Variants in AUTS2 observed in about 807,000 individuals in gnomAD.
AUTS2 encodes activator of transcription and developmental regulator AUTS2.
AUTS2 carries 17 observed loss-of-function variants against 112.4 expected under a neutral mutation model. The observed-to-expected ratio is 0.15, with a 90% CI of 0.10 to 0.23. The LOEUF (loss-of-function observed/expected upper bound fraction) is 0.23, where lower values mean the gene tolerates loss of function less well. AUTS2 is among the 10% of genes least tolerant of loss of function. The pLI is 1.00. For synonymous variants in AUTS2, 751 were observed against 702.7 expected, an observed-to-expected ratio of 1.07 and a Z score of -1.09; for missense variants, 1,510 against 1,701.6, an observed-to-expected ratio of 0.89 and a Z score of 1.98.
chr7:70,778,946 G>A (rs1170984781), intron 14 of AUTS2, among the ~76,000 whole-genome samples: 1 of 152,192 alleles, frequency 6.6e-6, no homozygotes, highest in African/African-American at 2.4e-5. Flanking sequence ...TCCCATAAAA[G>A]TGTCCCCAGT....
intron 5 of AUTS2, among the ~76,000 whole-genome samples, chr7:70,626,638 A>G (rs1174850383): frequency 2.0e-5 from 3 of 152,090 alleles, no homozygotes; most frequent in Admixed American, 6.6e-5. Flanking sequence ...GCAGTACCCA[A>G]TAGTTTTTCA....
intron 6 of AUTS2, among the ~76,000 whole-genome samples, chr7:70,734,328 T>C (rs1027024157): frequency 2.0e-5 from 3 of 151,910 alleles, no homozygotes; most frequent in Non-Finnish European, 4.4e-5. Flanking sequence ...TAGTCCCAGC[T>C]ACTCGGGGGG....
intron 4 of AUTS2, among the ~76,000 whole-genome samples, chr7:70,349,758 G>A (rs1408995005): frequency 2.0e-5 from 3 of 151,942 alleles, no homozygotes; most frequent in Non-Finnish European, 4.4e-5. Flanking sequence ...TTGCTTTAGG[G>A]GCTCTGAATT....
At chr7:69,993,878 T>A (rs1798840276) in intron 2 of AUTS2, among the ~76,000 whole-genome samples, 1 of 152,160 alleles carries the variant, frequency 6.6e-6, no homozygotes, top group Non-Finnish European at 1.5e-5. Flanking sequence ...GTAGTAGTAG[T>A]TATCCCCTGG....
intron 4 of AUTS2, among the ~76,000 whole-genome samples, chr7:70,348,758 C>G (rs1368548529): frequency 6.6e-6 from 1 of 152,156 alleles, no homozygotes; most frequent in East Asian, 1.9e-4. Context: ...TTGCAGTGAG[C>G]CGAGATCATG....
chr7:69,804,660 C>T (rs1790223402), intron 1 of AUTS2, among the ~76,000 whole-genome samples: 1 of 152,300 alleles, frequency 6.6e-6, no homozygotes, highest in East Asian at 1.9e-4. Flanking sequence ...TCATGAACCC[C>T]ACAGTTACAT....
intron 6 of AUTS2, among the ~76,000 whole-genome samples, chr7:70,740,143 G>C (rs770770425): frequency 2.0e-5 from 3 of 152,154 alleles, no homozygotes; most frequent in Non-Finnish European, 4.4e-5. Context: ...TATTGAGACA[G>C]CCAACACTTG....
chr7:70,215,453 T>G lies in AUTS2; in HGVS notation c.660+80882T>G, dbSNP rs149268061. Among the ~76,000 whole-genome samples, 442 of 152,294 alleles carry G rather than the reference T, an allele frequency of 2.9e-3. 2 individuals carry two copies. Among genetic ancestry groups the G allele is most frequent in the African/African-American group, 9.9e-3 (410 of 41,562 alleles). On this transcript the variant is annotated intron_variant, in intron 4 of 18. Coordinates refer to ENST00000342771, the MANE Select transcript of AUTS2 (RefSeq NM_015570.4). ...ATAGTAGATTTTATTCTAAGGTCAG[T>G]GAGAACTGAAGAATGTTAGGGGCTG...
intron 6 of AUTS2, among the ~76,000 whole-genome samples, chr7:70,722,227 A>G (rs1000251595): frequency 7.2e-5 from 11 of 152,014 alleles, no homozygotes; most frequent in African/African-American, 2.7e-4. Context: ...TACTTTGTGA[A>G]TTTCCTCATG....
intron 5 of AUTS2, among the ~76,000 whole-genome samples, chr7:70,648,871 C>T (rs1295292682): frequency 1.3e-5 from 2 of 152,160 alleles, no homozygotes; most frequent in Non-Finnish European, 2.9e-5. Context: ...CAGATATGAG[C>T]CACCGCGCCC....
chr7:69,712,436 AT>A (rs1554352005), intron 1 of AUTS2, among the ~76,000 whole-genome samples: 2 of 23,418 alleles, frequency 8.5e-5, no homozygotes, highest in African/African-American at 2.2e-4. Flanking sequence ...TTGTAGATTA[AT>A]TGACACTTCC....
intron 4 of AUTS2, among the ~76,000 whole-genome samples, chr7:70,334,795 A>T (rs1279241823): frequency 6.6e-6 from 1 of 152,152 alleles, no homozygotes; most frequent in Admixed American, 6.5e-5. Context: ...AAATCTTATG[A>T]TTTTTTAGAA....
Position 69,929,788 on chromosome 7 carries a change from A to G in AUTS2, c.522+30290A>G, listed in dbSNP as rs534796945. Among the ~76,000 whole-genome samples the G allele has an allele frequency of 2.2e-4, 33 of 152,342 alleles. 1 individual carries two copies. The East Asian group carries it at 4.8e-3, about 22-fold the overall frequency. On this transcript the variant is annotated intron_variant, in intron 2 of 18. Coordinates refer to ENST00000342771, the MANE Select transcript of AUTS2 (RefSeq NM_015570.4). ...GATTGTTTCAGTGTCCTTGTTTGCA[A>G]TTAACCTCAGTGCCACTTCTGGGTT...
At chr7:69,634,411 C>T (rs545921738) in intron 1 of AUTS2, among the ~76,000 whole-genome samples, 14 of 152,276 alleles carry the variant, frequency 9.2e-5, no homozygotes, top group Admixed American at 2.0e-4. Context: ...TGAGCCACCG[C>T]GCCCGGCCCA....
Position 70,114,687 on chromosome 7 carries a change from G to C in AUTS2, c.523-3445G>C, listed in dbSNP as rs150117889. ...CATGCCTGTCATGCCTGTAATCCCAGCTACTCAGGAGGCTGAGGCAGGAGA... is the reference window on the plus strand; with the variant it reads ...CATGCCTGTCATGCCTGTAATCCCACCTACTCAGGAGGCTGAGGCAGGAGA... On this transcript the variant is annotated intron_variant, in intron 2 of 18. Transcript: ENST00000342771. 1.3e-3 allele frequency among the ~76,000 whole-genome samples: 202 copies of C among 152,238 alleles called. 1 individual carries two copies. The East Asian group carries it at 0.015, about 11-fold the overall frequency.
At chr7:70,278,759 G>A (rs1246444590) in intron 4 of AUTS2, among the ~76,000 whole-genome samples, 5 of 152,178 alleles carry the variant, frequency 3.3e-5, no homozygotes, top group African/African-American at 1.2e-4. Flanking sequence ...GAATTTCTCA[G>A]ACATACTGAA....
intron 4 of AUTS2, among the ~76,000 whole-genome samples, chr7:70,283,961 C>T (rs914913467): frequency 2.0e-5 from 3 of 152,086 alleles, no homozygotes; most frequent in Admixed American, 6.6e-5. Context: ...ATCACAATCC[C>T]GTAGTTTATC....
intron 2 of AUTS2, among the ~76,000 whole-genome samples, chr7:70,039,346 G>A (rs1040382372): frequency 2.8e-4 from 42 of 150,166 alleles, no homozygotes; most frequent in African/African-American, 9.8e-4. Flanking sequence ...GTTCAGTTTG[G>A]GTTTTTGTTG....
At chr7:70,452,453 T>C (rs1207380642) in intron 5 of AUTS2, among the ~76,000 whole-genome samples, 1 of 152,166 alleles carries the variant, frequency 6.6e-6, no homozygotes, top group African/African-American at 2.4e-5. Flanking sequence ...AGCAAGATCC[T>C]GTCTCAATAA....
Sources: allele counts gnomAD v4.1 joint callset (sites outside exome capture counted in the v4.1 genomes callset), GRCh38; gene constraint gnomAD v4.1.1; transcripts MANE v1.5; gene names NCBI Gene and HGNC (gene_info 2026-07-23, HGNC 2026-07-21).